The following SEMA3E variants were observed in gnomAD, a reference collection of about 807,000 sequenced individuals.
SEMA3E encodes semaphorin-3E.
In SEMA3E, 49 loss-of-function variants were observed where a neutral mutation model predicts 93.6. The ratio of observed to expected loss-of-function variants is 0.52; its 90% CI spans 0.42 to 0.66. The LOEUF is 0.66. SEMA3E is among the 30% of genes least tolerant of loss of function. SEMA3E has a pLI of 0.00. For missense variants in SEMA3E, 906 were observed against 964.8 expected (o/e 0.94, Z 0.81); for synonymous variants, 363 against 330.7 (o/e 1.10, Z -1.06).
At chr7:83,641,287 T>C (rs2115711402) in intron 1 of SEMA3E, 1 of 563,984 alleles carries the variant, frequency 1.8e-6, no homozygotes, top group Admixed American at 6.3e-5. Context: ...ACTTGTTGAA[T>C]GCCTACTAAG....
chr7:83,592,830 A>G (rs1584351870), intron 1 of SEMA3E, among the ~76,000 whole-genome samples: 1 of 152,224 alleles, frequency 6.6e-6, no homozygotes, highest in African/African-American at 2.4e-5. Flanking sequence ...TTGGAGGATG[A>G]CAGAAGCAGG....
At position 83,635,138 on chromosome 7, in the gene SEMA3E, A is replaced by G. The variant is rs1486621993; in HGVS notation, c.115+13290T>C. 2.0e-5 allele frequency among the ~76,000 whole-genome samples: 3 copies of G among 152,062 alleles called. No individual in the cohort carries two copies. In the East Asian group the frequency reaches 5.8e-4, roughly 29 times the overall value. On this transcript the variant is annotated intron_variant, in intron 1 of 16. Coordinates refer to ENST00000643230, the MANE Select transcript of SEMA3E (RefSeq NM_012431.3). Reference sequence around the variant, plus strand: ...TGTGTAACACTTATGCTTTGTGACAATGTCAAGCTTAAAATTACTTTTTCC... The same window carrying G: ...TGTGTAACACTTATGCTTTGTGACAGTGTCAAGCTTAAAATTACTTTTTCC...
chr7:83,473,018 A>G (rs1205015790), intron 2 of SEMA3E, among the ~76,000 whole-genome samples: 4 of 152,204 alleles, frequency 2.6e-5, no homozygotes, highest in Non-Finnish European at 5.9e-5. Context: ...CTGTGAGTCA[A>G]TTAAACCTCT....
chr7:83,621,440 A>T (rs1290070643), intron 1 of SEMA3E, among the ~76,000 whole-genome samples: 5 of 152,236 alleles, frequency 3.3e-5, no homozygotes, highest in African/African-American at 9.7e-5. Context: ...TTGTAGTTTC[A>T]ATGCCATTCC....
intron 1 of SEMA3E, among the ~76,000 whole-genome samples, chr7:83,617,945 T>A (rs931306941): frequency 6.6e-6 from 1 of 152,076 alleles, no homozygotes; most frequent in Non-Finnish European, 1.5e-5. Context: ...ACACATTCAC[T>A]GATCATCTGC....
At chr7:83,411,277 T>G (rs968245837) in intron 5 of SEMA3E, among the ~76,000 whole-genome samples, 1 of 152,078 alleles carries the variant, frequency 6.6e-6, no homozygotes, top group Non-Finnish European at 1.5e-5. Context: ...CAGTTTCCCA[T>G]TTTGCACTCA....
intron 1 of SEMA3E, among the ~76,000 whole-genome samples, chr7:83,522,422 T>A (rs1791068665): frequency 6.6e-6 from 1 of 152,062 alleles, no homozygotes; most frequent in African/African-American, 2.4e-5. Context: ...AAAGCCCAGG[T>A]CCCTCGACTC....
intron 4 of SEMA3E, among the ~76,000 whole-genome samples, chr7:83,458,873 G>A (rs1206511994): frequency 2.1e-5 from 3 of 144,778 alleles, no homozygotes; most frequent in Non-Finnish European, 3.0e-5. Context: ...ATGATTATAT[G>A]TTATATATAA....
At chr7:83,504,406 T>G (rs1790654531) in intron 1 of SEMA3E, among the ~76,000 whole-genome samples, 1 of 152,124 alleles carries the variant, frequency 6.6e-6, no homozygotes, top group African/African-American at 2.4e-5. Context: ...ACTTCATAGG[T>G]TTGGAACTGT....
intron 4 of SEMA3E, 50 bp downstream of exon 4, chr7:83,466,432 G>T (rs753373581): frequency 6.2e-7 from 1 of 1,601,968 alleles, no homozygotes; most frequent in Non-Finnish European, 8.5e-7. Flanking sequence ...TTGAGAACAA[G>T]GTTGTTTTAA....
intron 1 of SEMA3E, among the ~76,000 whole-genome samples, chr7:83,546,835 A>G (rs1791661613): frequency 6.6e-6 from 1 of 152,154 alleles, no homozygotes. Flanking sequence ...ATTTGTGTCA[A>G]AAGGCAGAGC....
At chr7:83,499,249 A>G (rs768877021) in intron 1 of SEMA3E, among the ~76,000 whole-genome samples, 3 of 152,324 alleles carry the variant, frequency 2.0e-5, no homozygotes, top group East Asian at 1.9e-4. Flanking sequence ...TAAATTTTAA[A>G]GTGGAATTAC....
intron 1 of SEMA3E, among the ~76,000 whole-genome samples, chr7:83,556,570 A>G (rs1271761357): frequency 3.3e-5 from 5 of 152,226 alleles, no homozygotes; most frequent in African/African-American, 1.2e-4. Context: ...TGTTTAATAT[A>G]GTATAAACAG....
At chr7:83,591,122 A>C (rs997006936) in intron 1 of SEMA3E, among the ~76,000 whole-genome samples, 2 of 136,672 alleles carry the variant, frequency 1.5e-5, no homozygotes, top group African/African-American at 7.2e-5. Context: ...AAAAAAAAAA[A>C]CAAGAGGAAT....
At chr7:83,434,782 C>A (rs1174333509) in intron 4 of SEMA3E, among the ~76,000 whole-genome samples, 3 of 143,932 alleles carry the variant, frequency 2.1e-5, no homozygotes, top group Non-Finnish European at 3.0e-5. Context: ...GGCGGGATCT[C>A]GGCTCACTGC....
chr7:83,463,281 G>C (rs899784903), intron 4 of SEMA3E, among the ~76,000 whole-genome samples: 3 of 152,002 alleles, frequency 2.0e-5, no homozygotes, highest in Middle Eastern at 3.4e-3. Flanking sequence ...TGACCTTACT[G>C]TTTTAGCCTA....
intron 1 of SEMA3E, among the ~76,000 whole-genome samples, chr7:83,615,205 A>C (rs995833914): frequency 3.3e-5 from 5 of 152,164 alleles, no homozygotes; most frequent in African/African-American, 1.2e-4. Context: ...TTTATACCTT[A>C]TCTCTCAACA....
chr7:83,517,736 A>G (rs1368925871), intron 1 of SEMA3E, among the ~76,000 whole-genome samples: 1 of 152,190 alleles, frequency 6.6e-6, no homozygotes, highest in African/African-American at 2.4e-5. Flanking sequence ...GTGTATGGAA[A>G]AGTACCTCCA....
At chr7:83,499,766 G>A (rs766988296) in intron 1 of SEMA3E, among the ~76,000 whole-genome samples, 3 of 152,066 alleles carry the variant, frequency 2.0e-5, no homozygotes, top group African/African-American at 4.8e-5. Flanking sequence ...ATTATCTGGA[G>A]TAATTAACCA....
Sources: allele counts gnomAD v4.1 joint callset (sites outside exome capture counted in the v4.1 genomes callset), GRCh38; gene constraint gnomAD v4.1.1; transcripts MANE v1.5; gene names NCBI Gene and HGNC (gene_info 2026-07-23, HGNC 2026-07-21).